ALPP: variants seen among roughly 807,000 people sequenced by gnomAD.
ALPP encodes the protein alkaline phosphatase, placental, also known as alkaline phosphatase, placental type.
A neutral mutation model predicts 50.7 loss-of-function variants in ALPP; 39 were observed. The observed-to-expected ratio is 0.77, with a 90% confidence interval of 0.60 to 1.00. ALPP has a LOEUF of 1.00. Ranked by LOEUF, ALPP falls within the 50% of genes least tolerant of loss-of-function variation. The pLI, the probability that ALPP is intolerant of heterozygous loss-of-function variation, is 0.00. For synonymous variants in ALPP, 226 were observed against 320.3 expected (o/e 0.71, Z 3.14); for missense variants, 550 against 746.8 (o/e 0.74, Z 3.07).
intron 3 of ALPP, 51 bp from the exon 4 acceptor site, chr2:232,379,462 T>C: frequency 6.2e-7 from 1 of 1,609,502 alleles, no homozygotes; most frequent in Non-Finnish European, 8.5e-7. Context: ...GATCAGGGTC[T>C]GGGTCTCCGT....
rs553983826 is a variant in ALPP at position 232,381,638 on chromosome 2, T to C, written c.1451T>C (p.Met484Thr). ...GAGCAGACCTTCATAGCGCACGTCA[T>C]GGCCTTCGCCGCCTGCCTGGAGCCC... ...VQEQTFIAHV[M>T]AFAACLEPYT... Residue 484 changes from methionine to threonine, a missense_variant, in exon 11 of 11, where the codon ATG becomes ACG. Around this residue, in one of 5 missense-constraint regions of ALPP, gnomAD observed 155 missense variants for 167.6 expected, o/e 0.92. Transcript: ENST00000392027. The C allele has an allele frequency of 5.6e-6, 9 of 1,612,042 alleles. No individual in the cohort carries two copies. The highest frequency in any genetic ancestry group is 1.7e-4 in the Middle Eastern group (1 of 6,016).
At position 232,379,714 on chromosome 2, in the gene ALPP, C is replaced by T. The variant is rs374296407; in HGVS notation, c.484+27C>T. Reference sequence around the variant, plus strand: ...TGAGCTGGGGCCCGCTGCTGGGTCACGGCCAGGTCACAGACGTTGGTCACA... The same window carrying T: ...TGAGCTGGGGCCCGCTGCTGGGTCATGGCCAGGTCACAGACGTTGGTCACA... On this transcript the variant is annotated intron_variant, in intron 4 of 10. Transcript: ENST00000392027. 62 of 1,614,000 alleles carry T rather than the reference C, an allele frequency of 3.8e-5. 1 individual carries two copies. Among genetic ancestry groups the T allele is most frequent in the African/African-American group, 3.1e-4 (23 of 75,064 alleles).
chr2:232,380,505 T>G lies in ALPP; in HGVS notation c.865+13T>G. 2.5e-6 allele frequency: 4 copies of G among 1,613,970 alleles called. No individual in the cohort carries two copies. In the East Asian group the frequency reaches 6.7e-5, roughly 27 times the overall value. On this transcript the variant is annotated intron_variant, in intron 7 of 10. Transcript: ENST00000392027. The stretch of plus-strand genomic sequence containing the variant: ...ACCCATCTCATGGGTAATGACCCCC[T>G]TCCTGCCCTGGCATCCCTCAGATGG...
chr2:232,379,460 T>A, intron 3 of ALPP, 53 bp from the exon 4 acceptor site: 1 of 1,608,698 alleles, frequency 6.2e-7, no homozygotes, highest in East Asian at 2.2e-5. Flanking sequence ...GAGATCAGGG[T>A]CTGGGTCTCC....
At position 232,381,993 on chromosome 2, in the gene ALPP, A is replaced by T; in HGVS notation, c.*198A>T. On this transcript the variant is annotated 3_prime_UTR_variant, in exon 11 of 11. Transcript: ENST00000392027. Reference sequence around the variant, plus strand: ...AAACCTGCCCCTTGGCTGCTCTCGGACTCCCTACCCCAACCCCAGGGACTG... The same window carrying T: ...AAACCTGCCCCTTGGCTGCTCTCGGTCTCCCTACCCCAACCCCAGGGACTG... 1.1e-6 allele frequency: 1 copy of T among 909,736 alleles called. No individual in the cohort carries two copies. The allele number at this position is 909,736 out of a possible 1,614,324, so 56.4% of individuals were successfully genotyped here.
rs1427817931 is a variant in ALPP, at chr2:232,378,889, T to C, written c.76+11T>C. 2 of 1,612,366 alleles carry C rather than the reference T, an allele frequency of 1.2e-6. No individual in the cohort carries two copies. Among genetic ancestry groups the C allele is most frequent in the African/African-American group, 2.7e-5 (2 of 73,868 alleles). ...TGGGCATCATCCCAGGTAATGAGGCTCCCCGAGCTGCCCCTACACAACACA... is the reference window on the plus strand; with the variant it reads ...TGGGCATCATCCCAGGTAATGAGGCCCCCCGAGCTGCCCCTACACAACACA... On this transcript the variant is annotated intron_variant, in intron 1 of 10. Coordinates refer to ENST00000392027, the MANE Select transcript of ALPP (RefSeq NM_001632.5).
Position 232,379,516 on chromosome 2 carries a change from T to G in ALPP, c.313T>G (p.Tyr105Asp). ...CTCAGAGTGTCTCTGTCCCCAGACA[T>G]ACAATGTAGACAAACATGTGCCAGA... ...RFPYVALSKT[Y>D]NVDKHVPDSG... The change falls in exon 4 of 11, where the codon TAC becomes GAC. Residue 105 changes from tyrosine to aspartate, a missense_variant. Coordinates refer to ENST00000392027, the MANE Select transcript of ALPP (RefSeq NM_001632.5). The G allele has an allele frequency of 6.2e-7, 1 of 1,613,980 alleles. No individual in the cohort carries two copies. The highest frequency in any genetic ancestry group is 1.1e-5 in the South Asian group (1 of 91,068).
At position 232,379,865 on chromosome 2, in the gene ALPP, G is replaced by T; in HGVS notation, c.586G>T (p.Val196Leu). ...VNRNWYSDADVPASARQEGCQ... is the reference protein window; with the variant it reads ...VNRNWYSDADLPASARQEGCQ... ...CCGCAACTGGTACTCGGACGCCGACGTGCCTGCCTCCGCCCGCCAGGAGGG... is the reference window on the plus strand; with the variant it reads ...CCGCAACTGGTACTCGGACGCCGACTTGCCTGCCTCCGCCCGCCAGGAGGG... The change falls in exon 5 of 11, where the codon GTG becomes TTG. Residue 196 changes from valine (V) to leucine (L), a missense_variant. Transcript: ENST00000392027. The T allele has an allele frequency of 6.2e-7, 1 of 1,613,430 alleles. No homozygotes were observed. The highest frequency in any genetic ancestry group is 8.5e-7 in the Non-Finnish European group (1 of 1,179,900).
At position 232,381,896 on chromosome 2, in the gene ALPP, A is replaced by G; in HGVS notation, c.*101A>G. ...CTCCAGCCCGAGTCGTCATCCCCGG[A>G]GTCCCTATACAGAGGTCCTGCCATG... On this transcript the variant is annotated 3_prime_UTR_variant, in exon 11 of 11. Coordinates refer to ENST00000392027, the MANE Select transcript of ALPP (RefSeq NM_001632.5). 6.8e-7 allele frequency: 1 copy of G among 1,474,710 alleles called. No homozygotes were observed. The highest frequency in any genetic ancestry group is 9.0e-7 in the Non-Finnish European group (1 of 1,115,088). 91.4% of individuals were successfully genotyped at this position (1,474,710 alleles called of 1,614,324 possible).
In ALPP at chr2:232,379,656, C is replaced by T. The variant is rs370257469; in HGVS notation, c.453C>T (p.Val151=). The change falls in exon 4 of 11, where the codon GTC becomes GTT. Residue 151 remains valine (V), a synonymous_variant. Transcript: ENST00000392027. ...GCAACACGACACGCGGCAACGAGGT[C>T]ATCTCCGTGATGAATCGGGCCAAGA... ...NQCNTTRGNE[V]ISVMNRAKKA... is the part of the protein sequence containing the mutation. 97 of 1,613,838 alleles carry T rather than the reference C, an allele frequency of 6.0e-5. No individual in the cohort carries two copies. Among genetic ancestry groups the T allele is most frequent in the Non-Finnish European group, 8.0e-5 (94 of 1,179,992 alleles).
Position 232,381,948 on chromosome 2 carries a change from G to A in ALPP, c.*153G>A. The A allele has an allele frequency of 7.9e-7, 1 of 1,262,358 alleles. No individual in the cohort carries two copies. The highest frequency in any genetic ancestry group is 1.6e-5 in the South Asian group (1 of 64,106). The allele number at this position is 1,262,358 out of a possible 1,614,324, so 78.2% of individuals were successfully genotyped here. A position where few individuals can be genotyped will look rare whatever the true frequency, so the allele number is the denominator to read the frequency against. Reference sequence around the variant, plus strand: ...AACCTTCCCCTCCCCGTGCGCTCTGGGGACTGAGCCCATGACACCAAACCT... The same window carrying A: ...AACCTTCCCCTCCCCGTGCGCTCTGAGGACTGAGCCCATGACACCAAACCT... On this transcript the variant is annotated 3_prime_UTR_variant, in exon 11 of 11. Transcript: ENST00000392027.
rs1173736670 is a variant in ALPP at position 232,382,859 on chromosome 2, AAAT to A, written c.*1070_*1072del. The A allele has an allele frequency of 6.6e-6, 1 of 152,236 alleles. No homozygotes were observed. The highest frequency in any genetic ancestry group is 2.4e-5 in the African/African-American group (1 of 41,470). The allele number at this position is 152,236 out of a possible 1,614,324, so 9.4% of individuals were successfully genotyped here. On this transcript the variant is annotated 3_prime_UTR_variant, in exon 11 of 11. Transcript: ENST00000392027. ...AAACAAATAAATTTTAAAAATAAAT[AAAT>A]AATAAAAGGAAGTGTTAGACAATGT...
At position 232,381,384 on chromosome 2, in the gene ALPP, G is replaced by T. The variant is rs745876283; in HGVS notation, c.1309+17G>T. On this transcript the variant is annotated intron_variant, in intron 10 of 10. Transcript: ENST00000392027. ...GCGAGAGCGGTGAGTGCCGCGGGGTGGCCCCCTGAGGGGGACCAGGGTGCC... is the reference window on the plus strand; with the variant it reads ...GCGAGAGCGGTGAGTGCCGCGGGGTTGCCCCCTGAGGGGGACCAGGGTGCC... 3.7e-6 allele frequency: 6 copies of T among 1,602,878 alleles called. No individual in the cohort carries two copies. The South Asian group carries it at 6.6e-5, about 18-fold the overall frequency.
intron 5 of ALPP, 116 bp from the exon 6 acceptor site, chr2:232,380,070 A>G (rs1696677565): frequency 6.3e-7 from 1 of 1,578,418 alleles, no homozygotes; most frequent in Non-Finnish European, 8.6e-7. Context: ...TAGAAGGTGC[A>G]GCCCAGGCTG....
rs765397336 is a variant in ALPP at position 232,378,797 on chromosome 2, C to A, written c.-6C>A. On this transcript the variant is annotated 5_prime_UTR_variant, in exon 1 of 11. Transcript: ENST00000392027. ...TGCCTCGCCACTGTCCTGCTGCCCT[C>A]CAGACATGCTGGGGCCCTGCATGCT... 8 of 1,613,790 alleles carry A rather than the reference C, an allele frequency of 5.0e-6. 1 individual carries two copies. The South Asian group carries it at 7.7e-5, about 16-fold the overall frequency.
rs1332636566 is a variant in ALPP, at chr2:232,380,246, C to G, written c.718C>G (p.Pro240Ala). Reference protein sequence around the residue: ...FRMGTPDPEYPDDYSQGGTRL... With the variant: ...FRMGTPDPEYADDYSQGGTRL... ...CATGGGAACCCCAGACCCTGAGTAC[C>G]CAGATGACTACAGCCAAGGTGGGAC... The change falls in exon 6 of 11, where the codon CCA becomes GCA. Residue 240 changes from proline (P) to alanine (A), a missense_variant. This residue lies in a region of ALPP where 376 missense variants were observed against 388.5 expected (regional missense o/e 0.97). Transcript: ENST00000392027. The G allele has an allele frequency of 2.2e-5, 35 of 1,613,952 alleles. No homozygotes were observed. The highest frequency in any genetic ancestry group is 2.9e-5 in the Non-Finnish European group (34 of 1,180,000).
In ALPP at chr2:232,380,004, CA is replaced by C. The variant is rs1575045212; in HGVS notation, c.657+69del. The C allele has an allele frequency of 3.8e-6, 6 of 1,564,270 alleles. No individual in the cohort carries two copies. In the East Asian group the frequency reaches 1.4e-4, roughly 35 times the overall value. The stretch of plus-strand genomic sequence containing the variant: ...CAGGGAGGGGGCACTAGCTCAGACC[CA>C]GGCAACCAAAAGCCTTATCTGGGCC... On this transcript the variant is annotated intron_variant, in intron 5 of 10. Coordinates refer to ENST00000392027, the MANE Select transcript of ALPP (RefSeq NM_001632.5).
chr2:232,380,638 G>C lies in ALPP; in HGVS notation c.881G>C (p.Gly294Ala). The change falls in exon 8 of 11, where the codon GGA becomes GCA. Residue 294 changes from glycine to alanine, a missense_variant. This residue lies in a region of ALPP where 8 missense variants were observed against 21.8 expected (regional missense o/e 0.37). Transcript: ENST00000392027. ...TGTCCCACAGGTCTCTTTGAGCCTG[G>C]AGACATGAAATACGAGATCCACCGA... is the stretch of plus-strand genomic sequence containing the variant. ...VTHLMGLFEP[G>A]DMKYEIHRDS... 1 of 1,611,230 alleles carries C rather than the reference G, an allele frequency of 6.2e-7. No homozygotes were observed. Among genetic ancestry groups the C allele is most frequent in the African/African-American group, 1.4e-5 (1 of 73,958 alleles).
Position 232,378,813 on chromosome 2 carries a change from C to G in ALPP, c.11C>G (p.Pro4Arg). 1 of 1,614,064 alleles carries G rather than the reference C, an allele frequency of 6.2e-7. No homozygotes were observed. The highest frequency in any genetic ancestry group is 8.5e-7 in the Non-Finnish European group (1 of 1,180,002). Residue 4 changes from proline (P) to arginine (R), a missense_variant, in exon 1 of 11, where the codon CCC (proline) becomes CGC (arginine). By Grantham distance (103) the Pro-to-Arg change is moderately radical. Coordinates refer to ENST00000392027, the MANE Select transcript of ALPP (RefSeq NM_001632.5). ...TGCTGCCCTCCAGACATGCTGGGGC[C>G]CTGCATGCTGCTGCTGCTGCTGCTG... The part of the protein sequence containing the change: MLG[P>R]CMLLLLLLLG...
Sources: allele counts gnomAD v4.1 joint callset, GRCh38; gene constraint gnomAD v4.1.1; regional missense constraint gnomAD v4.1.1; transcripts MANE v1.5; gene names NCBI Gene and HGNC (gene_info 2026-07-23, HGNC 2026-07-21).